NRXN1: variants seen among roughly 807,000 people sequenced by gnomAD.
The protein encoded by NRXN1 is neurexin-1.
A neutral mutation model predicts 150.9 loss-of-function variants in NRXN1; 39 were observed. That is an observed-to-expected ratio of 0.26 (90% CI 0.20 to 0.34). NRXN1 has a LOEUF of 0.34. Among genes scored for constraint, NRXN1 ranks in the 10% least tolerant of loss-of-function variants. The pLI is 1.00. For missense variants in NRXN1, 1,815 were observed against 1,949.9 expected (o/e 0.93, Z 1.30); for synonymous variants, 924 against 757.0 (o/e 1.22, Z -3.62).
intron 17 of NRXN1, among the ~76,000 whole-genome samples, chr2:50,319,252 C>T (rs1213835318): frequency 1.3e-5 from 2 of 152,058 alleles, no homozygotes; most frequent in Non-Finnish European, 2.9e-5. Flanking sequence ...AGCATTCCCT[C>T]ACATTAATTA....
rs185374681 is a variant in NRXN1, at chr2:50,258,632, G to A, written c.3365-21662C>T. 2.6e-5 allele frequency among the ~76,000 whole-genome samples: 4 copies of A among 152,040 alleles called. No individual in the cohort carries two copies. The East Asian group carries it at 7.7e-4, about 29-fold the overall frequency. ...TTTTTACCGTCTTCCCTGAGTCACA[G>A]ATGTTCTTAATGGCATCTAGAATGG... On this transcript the variant is annotated intron_variant, in intron 17 of 22. Coordinates refer to ENST00000401669, the MANE Select transcript of NRXN1 (RefSeq NM_001330078.2).
chr2:50,119,373 G>GA (rs1703528677), intron 18 of NRXN1, among the ~76,000 whole-genome samples: 1 of 151,960 alleles, frequency 6.6e-6, no homozygotes, highest in Admixed American at 6.6e-5. Context: ...TTTTTATTTG[G>GA]AAAATGTAAG....
chr2:50,300,778 C>G (rs1333822516), intron 17 of NRXN1, among the ~76,000 whole-genome samples: 1 of 152,188 alleles, frequency 6.6e-6, no homozygotes, highest in Admixed American at 6.5e-5. Flanking sequence ...TCACTGCAAT[C>G]TCCGCCTCCC....
chr2:50,715,797 G>A (rs546562259), intron 5 of NRXN1, among the ~76,000 whole-genome samples: 19 of 151,982 alleles, frequency 1.3e-4, no homozygotes, highest in African/African-American at 2.7e-4. Context: ...TGAAGCCCTC[G>A]CTGATTATTA....
rs370165695 is a variant in NRXN1 at position 50,996,585 on chromosome 2, G to A, written c.772+30917C>T. Among the ~76,000 whole-genome samples the A allele has an allele frequency of 6.6e-4, 100 of 152,196 alleles. No homozygotes were observed. The Middle Eastern group carries it at 0.017, about 26-fold the overall frequency. On this transcript the variant is annotated intron_variant, in intron 2 of 22. Transcript: ENST00000401669. ...TTGAGTTGACATCCCAGATCTGCAT[G>A]TACCTGGCTTCTGCCCTTCACCAAG...
At chr2:50,012,091 C>T (rs1685768320) in intron 21 of NRXN1, among the ~76,000 whole-genome samples, 1 of 152,068 alleles carries the variant, frequency 6.6e-6, no homozygotes, top group South Asian at 2.1e-4. Flanking sequence ...TCTGGATTTT[C>T]CCCCCATCTT....
At chr2:50,682,751 C>T (rs200423917) in intron 5 of NRXN1, among the ~76,000 whole-genome samples, 3 of 151,994 alleles carry the variant, frequency 2.0e-5, no homozygotes, top group South Asian at 2.1e-4. Context: ...TGCAACAGTA[C>T]GTGTCACATT....
intron 5 of NRXN1, among the ~76,000 whole-genome samples, chr2:50,725,194 A>G (rs1697186695): frequency 6.6e-6 from 1 of 152,074 alleles, no homozygotes; most frequent in Non-Finnish European, 1.5e-5. Context: ...TTGTCATTTA[A>G]TCTCTGAAAA....
intron 21 of NRXN1, among the ~76,000 whole-genome samples, chr2:49,990,905 A>T (rs1010050595): frequency 4.6e-5 from 7 of 152,124 alleles, no homozygotes; most frequent in Admixed American, 6.6e-5. Flanking sequence ...TTTGCAGTTA[A>T]CTCAGTGGTG....
At chr2:50,088,479 C>G (rs189597800) in intron 19 of NRXN1, among the ~76,000 whole-genome samples, 4 of 152,004 alleles carry the variant, frequency 2.6e-5, no homozygotes, top group African/African-American at 9.7e-5. Context: ...TTTTACCTTG[C>G]GTATATCCTT....
At chr2:50,611,066 T>C (rs1431924540) in intron 8 of NRXN1, among the ~76,000 whole-genome samples, 3 of 150,404 alleles carry the variant, frequency 2.0e-5, no homozygotes, top group Non-Finnish European at 4.4e-5. Flanking sequence ...ATAGTTTTAA[T>C]GTTGATTAAC....
chr2:50,402,713 G>A (rs2082473202), intron 17 of NRXN1, among the ~76,000 whole-genome samples: 1 of 152,054 alleles, frequency 6.6e-6, no homozygotes, highest in Admixed American at 6.6e-5. Flanking sequence ...GGACGAATGG[G>A]GGAAGGATTG....
chr2:49,963,046 C>A (rs763509628), intron 21 of NRXN1, among the ~76,000 whole-genome samples: 3 of 152,102 alleles, frequency 2.0e-5, no homozygotes, highest in Non-Finnish European at 4.4e-5. Flanking sequence ...CACGGATTCA[C>A]TAAAAATTAA....
chr2:50,872,840 T>C (rs1355292062), intron 5 of NRXN1, among the ~76,000 whole-genome samples: 1 of 151,706 alleles, frequency 6.6e-6, no homozygotes, highest in Non-Finnish European at 1.5e-5. Flanking sequence ...TGGTGGTGCA[T>C]TCCTGTAGTC....
At chr2:50,079,115 G>A (rs1697532052) in intron 19 of NRXN1, among the ~76,000 whole-genome samples, 1 of 151,842 alleles carries the variant, frequency 6.6e-6, no homozygotes, top group African/African-American at 2.4e-5. Context: ...TCAGTTACTT[G>A]TTTATATCTC....
chr2:50,669,973 C>A (rs186087690), intron 5 of NRXN1, among the ~76,000 whole-genome samples: 1 of 151,836 alleles, frequency 6.6e-6, no homozygotes, highest in East Asian at 1.9e-4. Flanking sequence ...AAGGAGAACA[C>A]AACATGAACC....
chr2:50,698,616 C>T (rs530607683), intron 5 of NRXN1, among the ~76,000 whole-genome samples: 19 of 152,084 alleles, frequency 1.2e-4, no homozygotes, highest in Non-Finnish European at 2.5e-4. Context: ...ATAACCTATA[C>T]AACAAACATA....
intron 17 of NRXN1, among the ~76,000 whole-genome samples, chr2:50,332,107 G>A (rs1469381921): frequency 6.6e-6 from 1 of 151,884 alleles, no homozygotes; most frequent in Non-Finnish European, 1.5e-5. Context: ...AGCTATCGAG[G>A]TACTAAGAAA....
chr2:50,986,890 T>C (rs1402294389), intron 2 of NRXN1, among the ~76,000 whole-genome samples: 7 of 151,798 alleles, frequency 4.6e-5, no homozygotes, highest in Non-Finnish European at 1.0e-4. Context: ...TATGCGTAAA[T>C]GTACAGAAAG....
Sources: gnomAD v4.1 joint callset for allele counts (sites outside exome capture counted in the v4.1 genomes callset) on GRCh38, gnomAD v4.1.1 for gene constraint, MANE v1.5 for transcripts, NCBI Gene and HGNC (gene_info 2026-07-23, HGNC 2026-07-21) for gene names.